Variants in PRDM11 observed in about 807,000 individuals in gnomAD.
PRDM11 encodes the protein PR domain-containing protein 11.
PRDM11 carries 20 observed loss-of-function variants against 97.8 expected under a neutral mutation model. The observed-to-expected ratio is 0.20, with a 90% CI of 0.14 to 0.30. PRDM11 has a LOEUF of 0.30. Ranked by LOEUF, PRDM11 falls within the 10% of genes least tolerant of loss-of-function variation. PRDM11 has a pLI of 1.00. For synonymous variants in PRDM11, 599 were observed against 637.7 expected, an observed-to-expected ratio of 0.94 and a Z score of 0.91; for missense variants, 1,139 against 1,555.2, an observed-to-expected ratio of 0.73 and a Z score of 4.50.
In PRDM11 at chr11:45,183,036, C is replaced by T. The variant is rs144282810; in HGVS notation, c.399C>T (p.Asn133=). The T allele has an allele frequency of 3.2e-4, 512 of 1,614,116 alleles. 3 individuals are homozygous for T. The African/African-American group carries it at 4.5e-3, about 14-fold the overall frequency. Residue 133 remains asparagine (N), a synonymous_variant, in exon 4 of 8, where the codon AAC becomes AAT. Coordinates refer to ENST00000683152, the MANE Select transcript of PRDM11 (RefSeq NM_001384648.1). ...GAGAGAGTGACGTGCGATGTGTAAA[C>T]GAGGTCATCCCCAAGGGCCACATCT... ...TSGESDVRCV[N]EVIPKGHIFG... is the part of the protein sequence containing the mutation.
intron 1 of PRDM11, among the ~76,000 whole-genome samples, chr11:45,149,695 C>G (rs1344978184): frequency 6.6e-6 from 1 of 152,232 alleles, no homozygotes; most frequent in Non-Finnish European, 1.5e-5. Flanking sequence ...GGCATGGCAA[C>G]TGGTAGTAAG....
intron 1 of PRDM11, among the ~76,000 whole-genome samples, chr11:45,109,066 T>TA (rs1291907823): frequency 6.6e-6 from 1 of 152,208 alleles, no homozygotes; most frequent in Non-Finnish European, 1.5e-5. Flanking sequence ...GCCACAGGCC[T>TA]CTGGGCACTC....
intron 1 of PRDM11, among the ~76,000 whole-genome samples, chr11:45,166,509 T>C (rs533252332): frequency 6.6e-5 from 10 of 152,308 alleles, no homozygotes; most frequent in African/African-American, 1.9e-4. Context: ...GAGTGGAGCA[T>C]TGGAGATGGG....
intron 4 of PRDM11, among the ~76,000 whole-genome samples, chr11:45,190,826 A>T (rs1852887628): frequency 6.6e-6 from 1 of 152,252 alleles, no homozygotes; most frequent in South Asian, 2.1e-4. Flanking sequence ...TCATTAAAAA[A>T]ATGCAACATG....
At chr11:45,163,585 C>T (rs796845827) in intron 1 of PRDM11, among the ~76,000 whole-genome samples, 20 of 152,230 alleles carry the variant, frequency 1.3e-4, no homozygotes, top group African/African-American at 4.6e-4. Context: ...TGCACTCTTC[C>T]TAAATAGCTC....
chr11:45,192,024 C>T (rs181110278), intron 4 of PRDM11, among the ~76,000 whole-genome samples: 1 of 152,104 alleles, frequency 6.6e-6, no homozygotes, highest in Non-Finnish European at 1.5e-5. Flanking sequence ...AACAGGCCGC[C>T]GTGTGTGACT....
At chr11:45,214,960 G>A (rs1311744253) in intron 5 of PRDM11, among the ~76,000 whole-genome samples, 2 of 152,206 alleles carry the variant, frequency 1.3e-5, no homozygotes, top group African/African-American at 2.4e-5. Context: ...ATGCATGCAC[G>A]AAACCACTCA....
rs955590926 is a variant in PRDM11, at chr11:45,197,648, T to C, written c.487-7063T>C. Among the ~76,000 whole-genome samples, 4 of 152,184 alleles carry C rather than the reference T, an allele frequency of 2.6e-5. No individual in the cohort carries two copies. In the East Asian group the frequency reaches 7.7e-4, roughly 29 times the overall value. On this transcript the variant is annotated intron_variant, in intron 4 of 7. Transcript: ENST00000683152. ...TGTTAAATACATACAGCTTTTTGTA[T>C]GCCAGTCATACCTCAAAAAGCGGTC...
rs2135861728 is a variant in PRDM11 at position 45,228,175 on chromosome 11, G to C, written c.*16G>C. 6.7e-7 allele frequency: 1 copy of C among 1,499,742 alleles called. No individual in the cohort carries two copies. The highest frequency in any genetic ancestry group is 2.5e-5 in the East Asian group (1 of 40,398). 92.9% of individuals were successfully genotyped at this position (1,499,742 alleles called of 1,614,324 possible). ...CGACATTTAGGGAGCTGGCGCTGCA[G>C]AGTTCACTAAGCTGTTGAATATTTT... On this transcript the variant is annotated 3_prime_UTR_variant, in exon 8 of 8. Transcript: ENST00000683152.
At chr11:45,198,390 C>T (rs1853207384) in intron 4 of PRDM11, among the ~76,000 whole-genome samples, 1 of 152,210 alleles carries the variant, frequency 6.6e-6, no homozygotes, top group Non-Finnish European at 1.5e-5. Context: ...TGCCATCTGC[C>T]TCCTGGGGCT....
At chr11:45,159,713 G>A (rs2135701040) in intron 1 of PRDM11, among the ~76,000 whole-genome samples, 1 of 152,296 alleles carries the variant, frequency 6.6e-6, no homozygotes, top group South Asian at 2.1e-4. Context: ...GCCTGCCTGG[G>A]CCTTTGCCTG....
Position 45,227,460 on chromosome 11 carries a change from C to G in PRDM11, c.2835C>G (p.Ala945=). The G allele has an allele frequency of 6.5e-7, 1 of 1,533,812 alleles. No individual in the cohort carries two copies. Among genetic ancestry groups the G allele is most frequent in the Middle Eastern group, 2.3e-4 (1 of 4,358 alleles). Residue 945 remains alanine, a synonymous_variant, in exon 8 of 8, where the codon GCC becomes GCG. Transcript: ENST00000683152. The surrounding 1 kb of genome is among the most constrained non-coding windows in gnomAD (Gnocchi z 8.0). ...TCCGAGAGAGCTTCAACGGGATCGC[C>G]ATGAAGAACCTCAGGGTGGCTGAAG... The part of the protein sequence containing the change: ...ENFRESFNGI[A]MKNLRVAEAK...
At chr11:45,132,879 C>G (rs1399264955) in intron 1 of PRDM11, among the ~76,000 whole-genome samples, 1 of 152,170 alleles carries the variant, frequency 6.6e-6, no homozygotes, top group Non-Finnish European at 1.5e-5. Context: ...AGCCCAGGGA[C>G]AGCAAAGATT....
At chr11:45,191,573 G>T (rs1852914114) in intron 4 of PRDM11, among the ~76,000 whole-genome samples, 1 of 151,994 alleles carries the variant, frequency 6.6e-6, no homozygotes. Context: ...TGTTTAAATT[G>T]CCCTAGATTT....
chr11:45,204,594 C>CAGGGGG, intron 4 of PRDM11, 117 bp from the exon 5 acceptor site: 1 of 912,610 alleles, frequency 1.1e-6, no homozygotes, highest in Non-Finnish European at 1.8e-6. Flanking sequence ...GGTGACATTT[C>CAGGGGG]AGGGGGAGGG....
intron 1 of PRDM11, among the ~76,000 whole-genome samples, chr11:45,129,507 T>C (rs1489404889): frequency 6.6e-6 from 1 of 152,078 alleles, no homozygotes; most frequent in Middle Eastern, 3.2e-3. Flanking sequence ...GTAAAACAAA[T>C]TGGAAATAGA....
chr11:45,154,512 A>T (rs1851741391), intron 1 of PRDM11, among the ~76,000 whole-genome samples: 1 of 152,182 alleles, frequency 6.6e-6, no homozygotes. Context: ...GAAGTGGAGT[A>T]GGGGTGGGGG....
chr11:45,146,957 G>A (rs1417195962), intron 1 of PRDM11, 80 bp downstream of exon 1: 3 of 146,190 alleles, frequency 2.1e-5, no homozygotes, highest in Non-Finnish European at 4.6e-5. Flanking sequence ...GAGCGCGGGG[G>A]CCGCCGGTGC....
chr11:45,201,971 CA>C lies in PRDM11; in HGVS notation c.487-2728del, dbSNP rs200857827. 1.5e-3 allele frequency among the ~76,000 whole-genome samples: 218 copies of C among 144,106 alleles called. 4 individuals are homozygous for C. The East Asian group carries it at 0.02, about 13-fold the overall frequency. The allele number at this position is 144,106 out of a possible 152,430, so 94.5% of individuals were successfully genotyped here. A position where few individuals can be genotyped will look rare whatever the true frequency, so the allele number is the denominator to read the frequency against. On this transcript the variant is annotated intron_variant, in intron 4 of 7. Transcript: ENST00000683152. ...TGGGTGATGGAGCGAGACTCTGTCTCAAAAAAAAAAAATTCTTTGTAGAGAC... is the reference window on the plus strand; with the variant it reads ...TGGGTGATGGAGCGAGACTCTGTCTCAAAAAAAAAAATTCTTTGTAGAGAC...
Sources: gnomAD v4.1 joint callset for allele counts (sites outside exome capture counted in the v4.1 genomes callset) on GRCh38, gnomAD v4.1.1 for gene constraint, Gnocchi (gnomAD v3.1) non-coding constraint, MANE v1.5 for transcripts, NCBI Gene and HGNC (gene_info 2026-07-23, HGNC 2026-07-21) for gene names.